Variants in OSBPL1A observed in about 807,000 individuals in gnomAD.
OSBPL1A encodes the protein oxysterol binding protein like 1A, also known as oxysterol-binding protein-related protein 1.
Under a neutral mutation model 137.1 loss-of-function variants are expected in OSBPL1A, and 80 were observed. That is an observed-to-expected ratio of 0.58 (90% confidence interval 0.49 to 0.70). The LOEUF (loss-of-function observed/expected upper bound fraction) is 0.70. Among genes scored for constraint, OSBPL1A ranks in the 30% least tolerant of loss-of-function variants. The pLI is 0.00. For synonymous variants in OSBPL1A, 365 were observed against 389.7 expected (o/e 0.94, Z 0.75); for missense variants, 970 against 1,129.4 (o/e 0.86, Z 2.02).
At chr18:24,362,674 T>G (rs1465581428) in intron 4 of OSBPL1A, among the ~76,000 whole-genome samples, 2 of 152,188 alleles carry the variant, frequency 1.3e-5, no homozygotes, top group African/African-American at 4.8e-5. Context: ...ATACAAGAAA[T>G]ACACTCTATG....
intron 15 of OSBPL1A, among the ~76,000 whole-genome samples, chr18:24,248,799 T>C (rs902615177): frequency 2.0e-5 from 3 of 152,232 alleles, no homozygotes; most frequent in African/African-American, 4.8e-5. Context: ...GTGATAATGA[T>C]ACTTGGAAGA....
chr18:24,345,038 G>A (rs1039677520), intron 4 of OSBPL1A, among the ~76,000 whole-genome samples: 7 of 151,824 alleles, frequency 4.6e-5, no homozygotes, highest in African/African-American at 9.7e-5. Flanking sequence ...TGGTGGTCTC[G>A]AATCCCTGAG....
At chr18:24,359,793 A>C (rs2091595029) in intron 4 of OSBPL1A, among the ~76,000 whole-genome samples, 1 of 152,246 alleles carries the variant, frequency 6.6e-6, no homozygotes, top group African/African-American at 2.4e-5. Context: ...AATTGATTAT[A>C]AAAGGCATAA....
rs1292058910 is a variant in OSBPL1A at position 24,324,018 on chromosome 18, A to G, written c.626-5209T>C. On this transcript the variant is annotated intron_variant, in intron 7 of 27. Transcript: ENST00000319481. ...AGTGCCGCAATAAACATACGTGTGC[A>G]TGTGTCTTTATAGCAGCATGATTTA... Among the ~76,000 whole-genome samples the G allele has an allele frequency of 2.5e-4, 18 of 72,988 alleles. 1 individual carries two copies. The East Asian group carries it at 3.4e-3, about 14-fold the overall frequency. The allele number at this position is 72,988 out of a possible 152,430, so 47.9% of individuals were successfully genotyped here. A position where few individuals can be genotyped will look rare whatever the true frequency, so the allele number is the denominator to read the frequency against.
chr18:24,197,219 C>T (rs915545989), intron 17 of OSBPL1A, among the ~76,000 whole-genome samples: 8 of 152,162 alleles, frequency 5.3e-5, no homozygotes, highest in South Asian at 2.1e-4. Context: ...TGGTAGTGCA[C>T]GCCTGTAATC....
rs757226857 is a variant in OSBPL1A at position 24,313,127 on chromosome 18, C to CTAAA, written c.970-1025_970-1022dup. Among the ~76,000 whole-genome samples, 322 of 140,324 alleles carry CTAAA rather than the reference C, an allele frequency of 2.3e-3. 1 individual carries two copies. Among genetic ancestry groups the CTAAA allele is most frequent in the Non-Finnish European group, 3.4e-3 (219 of 64,962 alleles). The allele number at this position is 140,324 out of a possible 152,430, so 92.1% of individuals were successfully genotyped here. On this transcript the variant is annotated intron_variant, in intron 12 of 27. Coordinates refer to ENST00000319481, the MANE Select transcript of OSBPL1A (RefSeq NM_080597.4). ...TGACAGAGCAAGGGAGGCTCTATCT[C>CTAAA]TAAATAAATAAATAAATAAAAGAAA...
At chr18:24,176,834 T>C (rs2086461442) in intron 21 of OSBPL1A, among the ~76,000 whole-genome samples, 1 of 152,216 alleles carries the variant, frequency 6.6e-6, no homozygotes, top group Non-Finnish European at 1.5e-5. Flanking sequence ...GTCATTTCAA[T>C]GCATGTGTGT....
intron 5 of OSBPL1A, among the ~76,000 whole-genome samples, chr18:24,337,700 CAGGAT>C (rs1377264660): frequency 2.0e-5 from 3 of 151,204 alleles, no homozygotes; most frequent in Non-Finnish European, 4.4e-5. Flanking sequence ...GAATCTAATC[CAGGAT>C]GGGAGGGGAA....
At chr18:24,207,437 T>C (rs1485874433) in intron 17 of OSBPL1A, among the ~76,000 whole-genome samples, 1 of 152,266 alleles carries the variant, frequency 6.6e-6, no homozygotes, top group Non-Finnish European at 1.5e-5. Context: ...ACACACATTT[T>C]CACTTGCACT....
chr18:24,249,798 G>A (rs2089017764), intron 15 of OSBPL1A, among the ~76,000 whole-genome samples: 1 of 152,108 alleles, frequency 6.6e-6, no homozygotes. Context: ...AAGTCCTCTG[G>A]GGGGTCCTAG....
intron 4 of OSBPL1A, among the ~76,000 whole-genome samples, chr18:24,345,260 A>C (rs1353806640): frequency 2.6e-5 from 4 of 152,262 alleles, no homozygotes; most frequent in African/African-American, 9.6e-5. Flanking sequence ...CAGCCTCGTT[A>C]AAGTGTAGCT....
chr18:24,186,561 TC>T, intron 18 of OSBPL1A, among the ~76,000 whole-genome samples: 1 of 152,130 alleles, frequency 6.6e-6, no homozygotes, highest in East Asian at 1.9e-4. Flanking sequence ...TTCTGTATTT[TC>T]CAGATTTCCT....
At chr18:24,386,831 C>T (rs985682970) in intron 1 of OSBPL1A, among the ~76,000 whole-genome samples, 2 of 151,948 alleles carry the variant, frequency 1.3e-5, no homozygotes, top group Non-Finnish European at 2.9e-5. Context: ...TGGTGGCATG[C>T]GCCTGTAGTC....
intron 17 of OSBPL1A, among the ~76,000 whole-genome samples, chr18:24,215,687 A>G (rs1442634363): frequency 2.6e-5 from 4 of 152,198 alleles, no homozygotes; most frequent in Admixed American, 1.3e-4. Context: ...GAAAACAGAC[A>G]CTTCAGTGTA....
intron 17 of OSBPL1A, among the ~76,000 whole-genome samples, chr18:24,212,019 T>C (rs1310702524): frequency 6.6e-6 from 1 of 152,126 alleles, no homozygotes; most frequent in Non-Finnish European, 1.5e-5. Flanking sequence ...ATATTTACAA[T>C]TGAGATAATT....
At position 24,239,228 on chromosome 18, in the gene OSBPL1A, G is replaced by A. The variant is rs368492159; in HGVS notation, c.1436C>T (p.Ala479Val). ...AAGGATCCCAGAGTTACCTGACAGC[G>A]CATCATAGAACTCGTCCTCGCTAAG... The part of the protein sequence containing the change: ...SILSEDEFYD[A>V]LSDSESERSL... Residue 479 changes from alanine to valine, a missense_variant, in exon 16 of 28, where the codon GCG (alanine) becomes GTG (valine). Physicochemically the swap from Ala to Val is moderately conservative, Grantham distance 64. Transcript: ENST00000319481. 6.3e-5 allele frequency: 101 copies of A among 1,613,318 alleles called. No individual in the cohort carries two copies. The highest frequency in any genetic ancestry group is 8.1e-5 in the Non-Finnish European group (96 of 1,179,796).
At chr18:24,220,814 T>G (rs1294030935) in intron 17 of OSBPL1A, among the ~76,000 whole-genome samples, 1 of 151,858 alleles carries the variant, frequency 6.6e-6, no homozygotes, top group Admixed American at 6.6e-5. Flanking sequence ...TTTTGTTTTG[T>G]TTTGGTTTTT....
At chr18:24,244,826 C>T (rs1489668172) in intron 15 of OSBPL1A, among the ~76,000 whole-genome samples, 2 of 152,180 alleles carry the variant, frequency 1.3e-5, no homozygotes, top group Admixed American at 6.5e-5. Flanking sequence ...GAAAGTGCCC[C>T]GTTACTTACC....
intron 14 of OSBPL1A, among the ~76,000 whole-genome samples, chr18:24,289,693 T>G (rs528105098): frequency 6.6e-6 from 1 of 152,278 alleles, no homozygotes; most frequent in African/African-American, 2.4e-5. Context: ...GTGCTCGGAT[T>G]ACAGGCATGA....
Sources: allele counts gnomAD v4.1 joint callset (sites outside exome capture counted in the v4.1 genomes callset), GRCh38; gene constraint gnomAD v4.1.1; transcripts MANE v1.5; gene names NCBI Gene and HGNC (gene_info 2026-07-23, HGNC 2026-07-21).